CNNM2: variants seen among roughly 807,000 people sequenced by gnomAD.
The protein encoded by CNNM2 is cyclin and CBS domain divalent metal cation transport mediator 2.
CNNM2 carries 12 observed loss-of-function variants against 66.9 expected under a neutral mutation model. The observed-to-expected ratio is 0.18, with a 90% confidence interval of 0.11 to 0.29. The LOEUF is 0.29. Ranked by LOEUF, CNNM2 falls within the 10% of genes least tolerant of loss-of-function variation. CNNM2 has a pLI of 1.00. For missense variants in CNNM2, 705 were observed against 1,167.7 expected (o/e 0.60, Z 5.77); for synonymous variants, 557 against 501.8 (o/e 1.11, Z -1.47).
chr10:103,013,977 A>G (rs894362646), intron 1 of CNNM2, among the ~76,000 whole-genome samples: 3 of 152,222 alleles, frequency 2.0e-5, no homozygotes, highest in African/African-American at 7.2e-5. Context: ...TAAGACAATT[A>G]GGACCTGAGA....
chr10:103,027,840 T>C (rs1281618102), intron 1 of CNNM2, among the ~76,000 whole-genome samples: 1 of 152,170 alleles, frequency 6.6e-6, no homozygotes, highest in Non-Finnish European at 1.5e-5. Context: ...TTAAATTGTT[T>C]TTTCATTTGA....
At position 102,959,921 on chromosome 10, in the gene CNNM2, A is replaced by G. The variant is rs557572096; in HGVS notation, c.1621+39820A>G. Among the ~76,000 whole-genome samples the G allele has an allele frequency of 3.4e-4, 51 of 152,098 alleles. 2 individuals are homozygous for G. The highest frequency in any genetic ancestry group is 5.7e-4 in the Non-Finnish European group (39 of 67,982). ...CAAAAAATTAGCCGGGCATGGTGGC[A>G]GGCACCTGTAGTCCCAGCTACTCAG... On this transcript the variant is annotated intron_variant, in intron 1 of 7. Coordinates refer to ENST00000369878, the MANE Select transcript of CNNM2 (RefSeq NM_017649.5).
intron 4 of CNNM2, among the ~76,000 whole-genome samples, chr10:103,058,753 G>A (rs985536646): frequency 1.3e-5 from 2 of 152,148 alleles, no homozygotes; most frequent in African/African-American, 4.8e-5. Flanking sequence ...CAGGACTTAC[G>A]GAGATGTTTG....
In CNNM2 at chr10:102,918,315, G is replaced by A; in HGVS notation, c.-166G>A. ...CTCTCCCTCCCTCTTTCCCTCCCGCGAGCCTCGGGGTTCCTCAGCTGGCTG... is the reference window on the plus strand; with the variant it reads ...CTCTCCCTCCCTCTTTCCCTCCCGCAAGCCTCGGGGTTCCTCAGCTGGCTG... On this transcript the variant is annotated 5_prime_UTR_variant, in exon 1 of 8. Transcript: ENST00000369878. This position sits in a 1 kb window ranked among gnomAD's most constrained non-coding sequence, Gnocchi z 4.1. 1 of 1,208,438 alleles carries A rather than the reference G, an allele frequency of 8.3e-7. No individual in the cohort carries two copies. The highest frequency in any genetic ancestry group is 1.6e-5 in the South Asian group (1 of 60,756). 74.9% of individuals were successfully genotyped at this position (1,208,438 alleles called of 1,614,324 possible). A position where few individuals can be genotyped will look rare whatever the true frequency, so the allele number is the denominator to read the frequency against.
At chr10:102,978,372 G>C (rs1307356024) in intron 1 of CNNM2, among the ~76,000 whole-genome samples, 1 of 151,696 alleles carries the variant, frequency 6.6e-6, no homozygotes, top group African/African-American at 2.4e-5. Context: ...CAGTTGTCAG[G>C]GTAAAATCTG....
chr10:103,048,798 A>C (rs1214425965), intron 1 of CNNM2, among the ~76,000 whole-genome samples: 1 of 152,234 alleles, frequency 6.6e-6, no homozygotes, highest in Non-Finnish European at 1.5e-5. Context: ...GTTGTCATAC[A>C]GATTACCAAA....
At chr10:103,029,411 C>G (rs1170345253) in intron 1 of CNNM2, among the ~76,000 whole-genome samples, 1 of 151,838 alleles carries the variant, frequency 6.6e-6, no homozygotes, top group African/African-American at 2.4e-5. Flanking sequence ...TTGCAGTGAG[C>G]TGAGATGGTG....
intron 1 of CNNM2, among the ~76,000 whole-genome samples, chr10:102,937,825 A>G (rs930831685): frequency 2.7e-5 from 4 of 150,900 alleles, no homozygotes; most frequent in African/African-American, 4.9e-5. Flanking sequence ...GGCTCTCCCT[A>G]TGTTGCCCAG....
At chr10:102,995,812 C>T (rs534603561) in intron 1 of CNNM2, among the ~76,000 whole-genome samples, 8 of 151,966 alleles carry the variant, frequency 5.3e-5, no homozygotes, top group Admixed American at 2.0e-4. Flanking sequence ...CCACAACCTC[C>T]GCCTCAGCCT....
intron 1 of CNNM2, among the ~76,000 whole-genome samples, chr10:102,985,995 C>CAT (rs1343856071): frequency 1.3e-5 from 2 of 152,118 alleles, no homozygotes; most frequent in African/African-American, 4.8e-5. Flanking sequence ...ACCTCCAGAC[C>CAT]ATGTCTGTGC....
intron 1 of CNNM2, among the ~76,000 whole-genome samples, chr10:102,982,345 C>T (rs1384428662): frequency 6.6e-6 from 1 of 152,160 alleles, no homozygotes; most frequent in Non-Finnish European, 1.5e-5. Context: ...TAGGGTTAGC[C>T]TGGGGCCTGC....
intron 1 of CNNM2, among the ~76,000 whole-genome samples, chr10:103,007,632 A>G (rs966361112): frequency 3.9e-5 from 6 of 152,218 alleles, no homozygotes; most frequent in African/African-American, 1.4e-4. Context: ...CTCTGCAAGA[A>G]GAAAAATATG....
At chr10:103,024,585 T>C (rs1253292268) in intron 1 of CNNM2, among the ~76,000 whole-genome samples, 2 of 152,106 alleles carry the variant, frequency 1.3e-5, no homozygotes, top group African/African-American at 4.8e-5. Flanking sequence ...TTCAAGCGAT[T>C]CTCCTGCCTC....
At chr10:103,064,381 G>A (rs1445725336) in intron 4 of CNNM2, among the ~76,000 whole-genome samples, 1 of 149,800 alleles carries the variant, frequency 6.7e-6, no homozygotes, top group Non-Finnish European at 1.5e-5. Context: ...GGTAACAGTA[G>A]ATAGCTGTTT....
rs1166819345 is a variant in CNNM2 at position 103,083,774 on chromosome 10, C to T, written c.*6594C>T. On this transcript the variant is annotated 3_prime_UTR_variant, in exon 8 of 8. Transcript: ENST00000369878. ...AACACACAGTGCCGCTGGGCTAAGC[C>T]GGCATTTCCTAGGTAAGACCAAAGG... 3 of 152,348 alleles carry T rather than the reference C, an allele frequency of 2.0e-5. No homozygotes were observed. Among genetic ancestry groups the T allele is most frequent in the Admixed American group, 6.5e-5 (1 of 15,300 alleles). The allele number at this position is 152,348 out of a possible 1,614,324, so 9.4% of individuals were successfully genotyped here.
rs1255748741 is a variant in CNNM2, at chr10:103,076,216, A to G, written c.2364A>G (p.Gln788=). 2 of 1,584,602 alleles carry G rather than the reference A, an allele frequency of 1.3e-6. No individual in the cohort carries two copies. The highest frequency in any genetic ancestry group is 1.7e-6 in the Non-Finnish European group (2 of 1,165,196). ...SNNQLNSSLL[Q]VYIPDYSVRA... is the part of the protein sequence containing the mutation. ...ACCAGCTCAATTCTTCGCTCCTCCA[A>G]GTCTACATCCCCGATTACTCGGTGC... The change falls in exon 7 of 8, where the codon CAA becomes CAG. Residue 788 remains glutamine (Q), a synonymous_variant. Transcript: ENST00000369878.
In CNNM2 at chr10:103,078,753, G is replaced by A. The variant is rs4917382; in HGVS notation, c.*1573G>A. The A allele has an allele frequency of 0.1, 15,888 of 152,338 alleles. 841 individuals are homozygous for A. Among genetic ancestry groups the A allele is most frequent in the Middle Eastern group, 0.18 (52 of 294 alleles). 9.4% of individuals were successfully genotyped at this position (152,338 alleles called of 1,614,324 possible). A position where few individuals can be genotyped will look rare whatever the true frequency, so the allele number is the denominator to read the frequency against. ...AGCGTTTTCTGTTTAGGCTCACTGC[G>A]CAAAGGGAGGCCTTGGCTAAGTGGC... On this transcript the variant is annotated 3_prime_UTR_variant, in exon 8 of 8. Coordinates refer to ENST00000369878, the MANE Select transcript of CNNM2 (RefSeq NM_017649.5).
intron 1 of CNNM2, among the ~76,000 whole-genome samples, chr10:102,963,680 A>G (rs1395696237): frequency 7.2e-5 from 11 of 152,280 alleles, no homozygotes; most frequent in Middle Eastern, 3.4e-3. Flanking sequence ...CTGAGCATCT[A>G]TATGGCAGAA....
intron 1 of CNNM2, among the ~76,000 whole-genome samples, chr10:102,936,698 C>T (rs982463072): frequency 3.3e-4 from 50 of 152,090 alleles, no homozygotes; most frequent in African/African-American, 1.2e-3. Flanking sequence ...ATACATTAAC[C>T]TGCAACAACT....
Sources: gnomAD v4.1 joint callset for allele counts (sites outside exome capture counted in the v4.1 genomes callset) on GRCh38, gnomAD v4.1.1 for gene constraint, Gnocchi (gnomAD v3.1) non-coding constraint, MANE v1.5 for transcripts, NCBI Gene and HGNC (gene_info 2026-07-23, HGNC 2026-07-21) for gene names.